The following CUX1 variants were observed in gnomAD, a reference collection of about 807,000 sequenced individuals.
CUX1 encodes the protein protein CASP.
In CUX1, 31 loss-of-function variants were observed where a neutral mutation model predicts 158.8. The observed-to-expected ratio is 0.20, with a 90% CI of 0.15 to 0.26. The LOEUF (loss-of-function observed/expected upper bound fraction) is 0.26. Among genes scored for constraint, CUX1 ranks in the 10% least tolerant of loss-of-function variants. The pLI, the probability that CUX1 is intolerant of heterozygous loss-of-function variation, is 1.00. For missense variants in CUX1, 1,589 were observed against 2,014.6 expected, an observed-to-expected ratio of 0.79 and a Z score of 4.04; for synonymous variants, 879 against 862.1, an observed-to-expected ratio of 1.02 and a Z score of -0.34.
At chr7:101,984,089 A>AT (rs1554441567) in intron 2 of CUX1, among the ~76,000 whole-genome samples, 4 of 29,840 alleles carry the variant, frequency 1.3e-4, no homozygotes, top group South Asian at 1.1e-3. Flanking sequence ...AAAAAAAAAA[A>AT]ATATATATAT....
chr7:102,047,896 G>A (rs569739623), intron 3 of CUX1, among the ~76,000 whole-genome samples: 1 of 152,164 alleles, frequency 6.6e-6, no homozygotes, highest in Non-Finnish European at 1.5e-5. Context: ...CCACGTTCCT[G>A]TGTGTGGTTC....
At chr7:102,283,290 A>T in exon 23 of CUX1, 1 of 588,432 alleles carries the variant, frequency 1.7e-6, no homozygotes, top group Non-Finnish European at 3.1e-6. Context: ...AGGTCCAGAG[A>T]GCGAGCCCCC....
intron 3 of CUX1, among the ~76,000 whole-genome samples, chr7:102,056,368 G>C (rs771560775): frequency 6.6e-6 from 1 of 152,086 alleles, no homozygotes; most frequent in African/African-American, 2.4e-5. Flanking sequence ...CTCTCGTTAG[G>C]GGATAATGCA....
chr7:101,948,928 TG>T (rs1377511328), intron 2 of CUX1, among the ~76,000 whole-genome samples: 6 of 152,236 alleles, frequency 3.9e-5, no homozygotes, highest in Non-Finnish European at 8.8e-5. Flanking sequence ...CCCAGGACCC[TG>T]CCCATCACTG....
intron 2 of CUX1, among the ~76,000 whole-genome samples, chr7:101,973,749 ATTCTTTTTCTTT>A (rs779853795): frequency 2.0e-5 from 3 of 149,662 alleles, no homozygotes; most frequent in Non-Finnish European, 3.0e-5. Context: ...CTTGCCCCAG[ATTCTTTTTCTTT>A]TTCTTTTTCT....
At chr7:101,920,542 C>T (rs1007332181) in intron 2 of CUX1, among the ~76,000 whole-genome samples, 4 of 152,226 alleles carry the variant, frequency 2.6e-5, no homozygotes, top group East Asian at 1.9e-4. Flanking sequence ...ATTACAGGCA[C>T]GAGCCACTGC....
intron 2 of CUX1, among the ~76,000 whole-genome samples, chr7:101,982,772 G>A (rs1200290832): frequency 6.6e-6 from 1 of 151,830 alleles, no homozygotes; most frequent in Non-Finnish European, 1.5e-5. Context: ...TGCACAACGT[G>A]CAGGTTTGTT....
downstream of CUX1, among the ~76,000 whole-genome samples, chr7:102,261,448 T>G (rs966909789): frequency 1.3e-5 from 2 of 151,586 alleles, no homozygotes; most frequent in Non-Finnish European, 2.9e-5. Flanking sequence ...GAGCCAAGAT[T>G]GCGCCACTGC....
At chr7:102,150,674 A>G (rs1554503342) in intron 8 of CUX1, among the ~76,000 whole-genome samples, 1 of 152,254 alleles carries the variant, frequency 6.6e-6, no homozygotes, top group Non-Finnish European at 1.5e-5. Flanking sequence ...AGTAAATACT[A>G]GAATTTCCAG....
At chr7:102,053,224 A>G (rs1430055898) in intron 3 of CUX1, among the ~76,000 whole-genome samples, 2 of 152,142 alleles carry the variant, frequency 1.3e-5, no homozygotes, top group Admixed American at 6.5e-5. Flanking sequence ...TCATGTGCCT[A>G]TTGGCCATTT....
At position 101,847,597 on chromosome 7, in the gene CUX1, C is replaced by A. The variant is rs143575402; in HGVS notation, c.30+29928C>A. 6.8e-3 allele frequency among the ~76,000 whole-genome samples: 1,030 copies of A among 152,226 alleles called. 6 individuals carry two copies. Among genetic ancestry groups the A allele is most frequent in the Non-Finnish European group, 9.7e-3 (658 of 68,012 alleles). ...TCAACGTATGGCAGTGCCTGATGTA[C>A]TATTCTAAATTTATTTTTATTTTTA... On this transcript the variant is annotated intron_variant, in intron 1 of 23. Coordinates refer to ENST00000292535, the MANE Select transcript of CUX1 (RefSeq NM_181552.4).
chr7:102,019,545 C>T (rs1472728578), intron 2 of CUX1, among the ~76,000 whole-genome samples: 2 of 152,098 alleles, frequency 1.3e-5, no homozygotes, highest in Non-Finnish European at 2.9e-5. Flanking sequence ...ACAAGTCTTG[C>T]AGATCCCCTC....
At chr7:101,825,880 C>T (rs1487152049) in intron 1 of CUX1, among the ~76,000 whole-genome samples, 1 of 151,200 alleles carries the variant, frequency 6.6e-6, no homozygotes, top group Non-Finnish European at 1.5e-5. Context: ...CTGAGTGCGT[C>T]GTCTTTTACT....
At chr7:102,078,440 G>C (rs1827015004) in intron 4 of CUX1, among the ~76,000 whole-genome samples, 2 of 152,144 alleles carry the variant, frequency 1.3e-5, no homozygotes, top group South Asian at 4.1e-4. Context: ...CAGAACTTCT[G>C]TGCTTTGGTT....
intron 8 of CUX1, chr7:102,125,737 A>G (rs1412587689): frequency 6.6e-6 from 1 of 150,450 alleles, no homozygotes; most frequent in South Asian, 2.1e-4. Flanking sequence ...GTCCATGTAT[A>G]TAAACATGTT....
At chr7:102,010,720 A>G (rs1354226545) in intron 2 of CUX1, among the ~76,000 whole-genome samples, 1 of 152,246 alleles carries the variant, frequency 6.6e-6, no homozygotes, top group Non-Finnish European at 1.5e-5. Context: ...GAGGAAACTC[A>G]GTGAAGGAGT....
intron 1 of CUX1, among the ~76,000 whole-genome samples, chr7:101,859,427 G>A (rs1190942101): frequency 3.3e-5 from 5 of 152,110 alleles, no homozygotes; most frequent in African/African-American, 1.2e-4. Flanking sequence ...ATTTTAATTT[G>A]TTGATCATCA....
At chr7:101,845,141 C>CGT (rs1795554408) in intron 1 of CUX1, among the ~76,000 whole-genome samples, 1 of 148,890 alleles carries the variant, frequency 6.7e-6, no homozygotes, top group East Asian at 2.5e-4. Flanking sequence ...TTCTGTTGTC[C>CGT]ATCTCTCTCT....
At chr7:102,206,236 G>A (rs570063109) in intron 20 of CUX1, among the ~76,000 whole-genome samples, 5 of 152,248 alleles carry the variant, frequency 3.3e-5, no homozygotes, top group South Asian at 4.1e-4. Flanking sequence ...CGTGTTTTCC[G>A]TGTTCTGATT....
Sources: gnomAD v4.1 joint callset for allele counts (sites outside exome capture counted in the v4.1 genomes callset) on GRCh38, gnomAD v4.1.1 for gene constraint, MANE v1.5 for transcripts, NCBI Gene and HGNC (gene_info 2026-07-23, HGNC 2026-07-21) for gene names.